CTIF: variants seen among roughly 807,000 people sequenced by gnomAD.
CTIF encodes the protein cap binding complex dependent translation initiation factor, also known as CBP80/20-dependent translation initiation factor.
In CTIF, 21 loss-of-function variants were observed where a neutral mutation model predicts 66.0. That is an observed-to-expected ratio of 0.32 (90% CI 0.23 to 0.46). CTIF has a LOEUF of 0.46. Ranked by LOEUF, CTIF falls within the 20% of genes least tolerant of loss-of-function variation. CTIF has a pLI of 1.00. For synonymous variants in CTIF, 345 were observed against 326.4 expected (o/e 1.06, Z -0.62); for missense variants, 739 against 812.7 (o/e 0.91, Z 1.10).
intron 6 of CTIF, among the ~76,000 whole-genome samples, chr18:48,705,743 G>A (rs1031178496): frequency 5.3e-5 from 8 of 152,224 alleles, no homozygotes; most frequent in African/African-American, 1.2e-4. Flanking sequence ...TCGGCCTGCC[G>A]GGTTGAGGTT....
intron 6 of CTIF, among the ~76,000 whole-genome samples, chr18:48,688,935 CCT>C (rs1211053512): frequency 1.3e-5 from 2 of 152,368 alleles, no homozygotes; most frequent in East Asian, 1.9e-4. Context: ...CACACACTCC[CCT>C]CTCTCATCCA....
chr18:48,791,074 A>G (rs2067782655), intron 9 of CTIF, among the ~76,000 whole-genome samples: 1 of 152,174 alleles, frequency 6.6e-6, no homozygotes, highest in Non-Finnish European at 1.5e-5. Flanking sequence ...GACCTGGGGC[A>G]GGAAGGGGAG....
intron 1 of CTIF, among the ~76,000 whole-genome samples, chr18:48,540,521 G>C (rs569001856): frequency 6.6e-6 from 1 of 151,936 alleles, no homozygotes; most frequent in Non-Finnish European, 1.5e-5. Context: ...CAATCGGGAG[G>C]GGGGTGGTCC....
intron 1 of CTIF, among the ~76,000 whole-genome samples, chr18:48,583,053 G>T (rs911205658): frequency 1.8e-4 from 27 of 152,216 alleles, no homozygotes; most frequent in African/African-American, 6.3e-4. Context: ...TGCTGTGGTG[G>T]AGGGGAGGGA....
chr18:48,841,127 GCC>G (rs2068930950), intron 10 of CTIF, among the ~76,000 whole-genome samples: 1 of 152,114 alleles, frequency 6.6e-6, no homozygotes, highest in Non-Finnish European at 1.5e-5. Context: ...GTTGGTAAAA[GCC>G]CCCTACATTT....
intron 9 of CTIF, among the ~76,000 whole-genome samples, chr18:48,771,430 A>G (rs971133821): frequency 1.3e-5 from 2 of 152,162 alleles, no homozygotes; most frequent in Admixed American, 1.3e-4. Context: ...CAGCCACAAA[A>G]GGGAATGGCC....
chr18:48,751,442 A>G (rs1322922169), intron 7 of CTIF, among the ~76,000 whole-genome samples: 2 of 152,138 alleles, frequency 1.3e-5, no homozygotes, highest in Admixed American at 6.5e-5. Flanking sequence ...GTCTCTCCAA[A>G]TGGACCCTCA....
chr18:48,722,118 C>G (rs1424347682), intron 7 of CTIF, among the ~76,000 whole-genome samples: 1 of 152,038 alleles, frequency 6.6e-6, no homozygotes, highest in Non-Finnish European at 1.5e-5. Context: ...AGAAAGGCAG[C>G]CATGCCTGCT....
intron 6 of CTIF, among the ~76,000 whole-genome samples, chr18:48,705,411 C>A (rs757647548): frequency 5.3e-5 from 8 of 152,280 alleles, no homozygotes; most frequent in South Asian, 4.2e-4. Flanking sequence ...ATAAGGACAC[C>A]CATCGTTGGA....
chr18:48,702,805 C>T lies in CTIF; in HGVS notation c.508-8814C>T, dbSNP rs572648852. On this transcript the variant is annotated intron_variant, in intron 6 of 11. Transcript: ENST00000256413. ...TCAACTTCTCTGAATAGCTGTGCAG[C>T]CTAGAGATTCCAGGAATTTTAGAAA... Among the ~76,000 whole-genome samples, 704 of 152,202 alleles carry T rather than the reference C, an allele frequency of 4.6e-3. 10 individuals carry two copies. Among genetic ancestry groups the T allele is most frequent in the African/African-American group, 0.015 (638 of 41,518 alleles).
intron 1 of CTIF, among the ~76,000 whole-genome samples, chr18:48,578,632 T>TA (rs538202381): frequency 1.3e-5 from 2 of 152,234 alleles, no homozygotes; most frequent in Non-Finnish European, 2.9e-5. Flanking sequence ...TTTAGATGTT[T>TA]ATCCAAGTGT....
chr18:48,747,613 A>G (rs1907356281), intron 7 of CTIF, among the ~76,000 whole-genome samples: 1 of 152,138 alleles, frequency 6.6e-6, no homozygotes, highest in Non-Finnish European at 1.5e-5. Context: ...GGCTTGTTCA[A>G]GAGGATTTTG....
intron 6 of CTIF, among the ~76,000 whole-genome samples, chr18:48,694,009 G>A (rs1408947981): frequency 6.6e-6 from 1 of 152,264 alleles, no homozygotes; most frequent in Non-Finnish European, 1.5e-5. Context: ...TTTGGACTTT[G>A]TGTAAATTTT....
intron 7 of CTIF, among the ~76,000 whole-genome samples, chr18:48,755,083 A>G (rs912703366): frequency 1.3e-5 from 2 of 152,212 alleles, no homozygotes; most frequent in South Asian, 2.1e-4. Flanking sequence ...GGCTTGGTCA[A>G]CCATCCTTTG....
chr18:48,660,626 G>A (rs1372107749), intron 3 of CTIF, among the ~76,000 whole-genome samples: 2 of 152,220 alleles, frequency 1.3e-5, no homozygotes, highest in Non-Finnish European at 2.9e-5. Flanking sequence ...TTAGCCCAAG[G>A]GTAGTGCCCC....
chr18:48,643,640 C>T (rs766814995), intron 3 of CTIF, among the ~76,000 whole-genome samples: 4 of 152,096 alleles, frequency 2.6e-5, no homozygotes, highest in South Asian at 2.1e-4. Context: ...TGTGGTTTCT[C>T]GTGGTGGGGA....
intron 6 of CTIF, among the ~76,000 whole-genome samples, chr18:48,688,623 T>C (rs1343189179): frequency 6.6e-6 from 1 of 152,240 alleles, no homozygotes; most frequent in Non-Finnish European, 1.5e-5. Flanking sequence ...AGTGGGGAAG[T>C]GCTGGGCCAG....
intron 2 of CTIF, among the ~76,000 whole-genome samples, chr18:48,632,099 G>A (rs1333499642): frequency 1.3e-5 from 2 of 152,182 alleles, no homozygotes; most frequent in Admixed American, 1.3e-4. Flanking sequence ...ATCCCAGCAG[G>A]GATGGGGAGG....
intron 1 of CTIF, among the ~76,000 whole-genome samples, chr18:48,603,028 GATGGATGGATAGATGGATGT>G (rs2090123897): frequency 6.6e-6 from 1 of 151,234 alleles, no homozygotes. Context: ...TAGATGGGTG[GATGGATGGATAGATGGATGT>G]ATGGATGGAT....
Sources: allele counts gnomAD v4.1 joint callset (sites outside exome capture counted in the v4.1 genomes callset), GRCh38; gene constraint gnomAD v4.1.1; transcripts MANE v1.5; gene names NCBI Gene and HGNC (gene_info 2026-07-23, HGNC 2026-07-21).